EFCAB3: variants seen among roughly 807,000 people sequenced by gnomAD.
The protein encoded by EFCAB3 is EF-hand calcium binding domain 3, also known as EF-hand calcium-binding domain-containing protein 3.
A neutral mutation model predicts 42.2 loss-of-function variants in EFCAB3; 36 were observed. The ratio of observed to expected loss-of-function variants is 0.85; its 90% CI spans 0.65 to 1.13. The LOEUF is 1.13. EFCAB3 is among the 50% of genes most tolerant of loss of function. The pLI is 0.00. For synonymous variants in EFCAB3, 170 were observed against 172.8 expected (o/e 0.98, Z 0.13); for missense variants, 418 against 505.1 (o/e 0.83, Z 1.65).
chr17:62,411,794 A>C (rs1213790717), intron 8 of EFCAB3, among the ~76,000 whole-genome samples: 2 of 137,364 alleles, frequency 1.5e-5, no homozygotes, highest in East Asian at 5.2e-4. Flanking sequence ...GAAAGAGAGA[A>C]AGAGATGGAG....
chr17:62,371,640 G>T (rs542654137), intron 1 of EFCAB3, among the ~76,000 whole-genome samples: 82 of 152,292 alleles, frequency 5.4e-4, no homozygotes, highest in African/African-American at 1.9e-3. Flanking sequence ...AGTTGTGCCT[G>T]ATGGTATGAT....
intron 6 of EFCAB3, among the ~76,000 whole-genome samples, chr17:62,395,933 T>G (rs560460228): frequency 6.6e-6 from 1 of 152,258 alleles, no homozygotes; most frequent in East Asian, 1.9e-4. Context: ...CTTCTGCCCC[T>G]CAATAAGTAG....
At chr17:62,413,151 C>A (rs1265689903) in intron 8 of EFCAB3, among the ~76,000 whole-genome samples, 4 of 152,000 alleles carry the variant, frequency 2.6e-5, no homozygotes, top group Non-Finnish European at 5.9e-5. Context: ...GCTTCAAGAT[C>A]AAAAATCTCC....
At chr17:62,407,643 T>C (rs2070459930) in intron 8 of EFCAB3, among the ~76,000 whole-genome samples, 1 of 152,162 alleles carries the variant, frequency 6.6e-6, no homozygotes, top group African/African-American at 2.4e-5. Flanking sequence ...TAGATCCCCA[T>C]TTATGGTCCC....
At chr17:62,383,167 A>G in intron 2 of EFCAB3, 114 bp downstream of exon 2, 2 of 912,308 alleles carry the variant, frequency 2.2e-6, no homozygotes, top group African/African-American at 3.5e-5. Context: ...GGAAGCCCCT[A>G]AAAAAAAGAA....
At chr17:62,403,376 C>A (rs961406770) in intron 6 of EFCAB3, among the ~76,000 whole-genome samples, 1 of 152,220 alleles carries the variant, frequency 6.6e-6, no homozygotes, top group Admixed American at 6.5e-5. Flanking sequence ...TTGGACTTAA[C>A]TGTAGTATCC....
intron 5 of EFCAB3, among the ~76,000 whole-genome samples, chr17:62,394,634 T>G (rs2070333834): frequency 6.6e-6 from 1 of 152,240 alleles, no homozygotes; most frequent in Non-Finnish European, 1.5e-5. Flanking sequence ...CCATTATTCA[T>G]GTTTTCTAGG....
chr17:62,401,108 A>G (rs912698052), intron 6 of EFCAB3, among the ~76,000 whole-genome samples: 1 of 152,120 alleles, frequency 6.6e-6, no homozygotes, highest in Non-Finnish European at 1.5e-5. Context: ...ATCTATTCAT[A>G]TCCTTCACCC....
Position 62,387,413 on chromosome 17 carries a change from G to T in EFCAB3, c.148G>T (p.Ala50Ser). 1 of 1,610,358 alleles carries T rather than the reference G, an allele frequency of 6.2e-7. No individual in the cohort carries two copies. ...AAAGAAGCTAAGTGCTTCACAAATG[G>T]CAGGTAATGAGAATCATCCTCAAAA... ...KEKKLSASQM[A>S]AFQDAYNFFY... The change falls in exon 3 of 10, where the codon GCA becomes TCA. Residue 50 changes from alanine (A) to serine (S), a missense_variant. Coordinates refer to ENST00000305286, the MANE Select transcript of EFCAB3 (RefSeq NM_173503.4).
At chr17:62,377,139 T>C (rs2070157231), upstream of EFCAB3, among the ~76,000 whole-genome samples, 1 of 152,220 alleles carries the variant, frequency 6.6e-6, no homozygotes, top group Non-Finnish European at 1.5e-5. Flanking sequence ...ATGTGTTTCA[T>C]ATTAGAATTA....
At chr17:62,378,083 T>G, upstream of EFCAB3, 2 of 1,326,330 alleles carry the variant, frequency 1.5e-6, no homozygotes, top group South Asian at 2.7e-5. Flanking sequence ...CTTACATTTT[T>G]TAATACCTTA....
At chr17:62,375,990 C>T (rs1450874416), upstream of EFCAB3, among the ~76,000 whole-genome samples, 2 of 152,092 alleles carry the variant, frequency 1.3e-5, no homozygotes, top group Non-Finnish European at 2.9e-5. Flanking sequence ...CTACCCAGCT[C>T]GCCCACATGT....
At position 62,416,147 on chromosome 17, in the gene EFCAB3, A is replaced by T. The variant is rs780684183; in HGVS notation, c.1135A>T (p.Thr379Ser). Residue 379 changes from threonine to serine, a missense_variant, in exon 10 of 10, where the codon ACA (threonine) becomes TCA (serine). Transcript: ENST00000305286. The stretch of plus-strand genomic sequence containing the variant: ...CTTTTATGACACCTTTTCTACTTAT[A>T]CATGGTCCTGGAATGTTTGCCAAGA... ...ESFYDTFSTY[T>S]WSWNVCQELL... 1.2e-6 allele frequency: 2 copies of T among 1,613,822 alleles called. No homozygotes were observed. Among genetic ancestry groups the T allele is most frequent in the Non-Finnish European group, 1.7e-6 (2 of 1,179,864 alleles).
upstream of EFCAB3, chr17:62,377,934 T>C: frequency 6.6e-7 from 1 of 1,519,444 alleles, no homozygotes; most frequent in Non-Finnish European, 8.9e-7. Flanking sequence ...CTTCAGAAAT[T>C]CATGTAATTT....
upstream of EFCAB3, among the ~76,000 whole-genome samples, chr17:62,379,885 G>GT (rs1255424891): frequency 1.2e-4 from 19 of 152,260 alleles, no homozygotes; most frequent in Admixed American, 1.0e-3. Context: ...GCCTATGAGA[G>GT]TTTTTTTGCC....
intron 4 of EFCAB3, 49 bp downstream of exon 4, chr17:62,392,014 A>G (rs200355864): frequency 6.5e-7 from 1 of 1,548,526 alleles, no homozygotes; most frequent in East Asian, 2.3e-5. Flanking sequence ...ATTTTTGTGA[A>G]TATATAGTTT....
chr17:62,406,982 T>A, intron 7 of EFCAB3, 46 bp from the exon 8 acceptor site: 1 of 1,536,880 alleles, frequency 6.5e-7, no homozygotes, highest in Non-Finnish European at 8.7e-7. Flanking sequence ...TATGTGAACT[T>A]CTTCTTACAT....
chr17:62,381,252 G>A (rs988592776), intron 1 of EFCAB3, among the ~76,000 whole-genome samples: 9 of 149,746 alleles, frequency 6.0e-5, no homozygotes, highest in African/African-American at 2.0e-4. Context: ...CGCGGTGTTC[G>A]GTTTTTTGTC....
chr17:62,372,218 A>C (rs1427749726), intron 1 of EFCAB3, among the ~76,000 whole-genome samples: 1 of 138,250 alleles, frequency 7.2e-6, no homozygotes, highest in East Asian at 2.0e-4. Context: ...CTAGTTTTTC[A>C]TTTCTTCCTT....
Sources: gnomAD v4.1 joint callset for allele counts (sites outside exome capture counted in the v4.1 genomes callset) on GRCh38, gnomAD v4.1.1 for gene constraint, MANE v1.5 for transcripts, NCBI Gene and HGNC (gene_info 2026-07-23, HGNC 2026-07-21) for gene names.